CACNA1D: variants seen among roughly 807,000 people sequenced by gnomAD.
CACNA1D encodes the protein calcium voltage-gated channel subunit alpha1 D, also known as voltage-dependent L-type calcium channel subunit alpha-1D.
A neutral mutation model predicts 257.1 loss-of-function variants in CACNA1D; 55 were observed. The observed-to-expected ratio is 0.21, with a 90% CI of 0.17 to 0.27. CACNA1D has a LOEUF of 0.27. CACNA1D is among the 10% of genes least tolerant of loss of function. CACNA1D has a pLI of 1.00. For missense variants in CACNA1D, 1,876 were observed against 2,784.0 expected (o/e 0.67, Z 7.34); for synonymous variants, 980 against 1,014.9 (o/e 0.97, Z 0.65).
intron 12 of CACNA1D, among the ~76,000 whole-genome samples, chr3:53,722,964 C>G (rs1425952603): frequency 6.6e-6 from 1 of 152,138 alleles, no homozygotes; most frequent in African/African-American, 2.4e-5. Context: ...CCTCTCCAGC[C>G]TGCTTGGTGA....
chr3:53,702,521 T>C, intron 8 of CACNA1D, 120 bp from the exon 9 acceptor site: 2 of 910,522 alleles, frequency 2.2e-6, no homozygotes, highest in Non-Finnish European at 3.6e-6. Context: ...GCTGTGCTCA[T>C]GTGACTATAC....
In CACNA1D at chr3:53,722,187, T is replaced by G. The variant is rs144739393; in HGVS notation, c.1506-127T>G. 3.9e-4 allele frequency: 352 copies of G among 896,394 alleles called. 3 individuals are homozygous for G. In the African/African-American group the frequency reaches 5.3e-3, roughly 13 times the overall value. 55.5% of individuals were successfully genotyped at this position (896,394 alleles called of 1,614,324 possible). A position where few individuals can be genotyped will look rare whatever the true frequency, so the allele number is the denominator to read the frequency against. On this transcript the variant is annotated intron_variant, in intron 11 of 47. Coordinates refer to ENST00000350061, the MANE Select transcript of CACNA1D (RefSeq NM_001128840.3). Reference sequence around the variant, plus strand: ...ATTTCTGTGCCATTTGTGCTCATCTTTCTTTCCTGCACTCCCACCCCAATC... The same window carrying G: ...ATTTCTGTGCCATTTGTGCTCATCTGTCTTTCCTGCACTCCCACCCCAATC...
chr3:53,497,399 C>A lies in CACNA1D; in HGVS notation c.315C>A (p.Ala105=). Residue 105 remains alanine, a synonymous_variant, in exon 2 of 48, where the codon GCC becomes GCA. Coordinates refer to ENST00000350061, the MANE Select transcript of CACNA1D (RefSeq NM_001128840.3). ...GNSSNSRPAR[A]LFCLSLNNPI... is the part of the protein sequence containing the mutation. ...CGTCCAACAGCCGACCTGCCCGCGC[C>A]CTTTTCTGTTTATCACTCAATAACC... is the stretch of plus-strand genomic sequence containing the variant. 3.1e-6 allele frequency: 5 copies of A among 1,614,198 alleles called. No homozygotes were observed. The highest frequency in any genetic ancestry group is 4.2e-6 in the Non-Finnish European group (5 of 1,180,036).
chr3:53,516,894 G>A (rs748310848), intron 3 of CACNA1D, among the ~76,000 whole-genome samples: 1 of 152,182 alleles, frequency 6.6e-6, no homozygotes, highest in Non-Finnish European at 1.5e-5. Context: ...TGACAAATGA[G>A]GTCTGTGGTC....
chr3:53,718,601 C>CCCCCCCCCCAA, intron 10 of CACNA1D: 1 of 1,103,188 alleles, frequency 9.1e-7, no homozygotes, highest in Non-Finnish European at 1.3e-6. Flanking sequence ...CCCCCCGGCC[C>CCCCCCCCCCAA]AGCATTTCAC....
intron 7 of CACNA1D, among the ~76,000 whole-genome samples, chr3:53,669,239 GTC>G (rs1036090023): frequency 6.6e-6 from 1 of 152,258 alleles, no homozygotes; most frequent in African/African-American, 2.4e-5. Flanking sequence ...ATGGGCCACA[GTC>G]AGCTGGAAGC....
chr3:53,748,686 T>C (rs1346159137), intron 26 of CACNA1D, among the ~76,000 whole-genome samples: 1 of 152,028 alleles, frequency 6.6e-6, no homozygotes, highest in Non-Finnish European at 1.5e-5. Context: ...CCTTCCCAGA[T>C]GGATGTGAGG....
intron 20 of CACNA1D, among the ~76,000 whole-genome samples, chr3:53,737,767 G>A (rs576764576): frequency 3.0e-4 from 45 of 152,338 alleles, no homozygotes; most frequent in African/African-American, 9.9e-4. Flanking sequence ...AGGTTGCAGT[G>A]AACTGAGATC....
chr3:53,525,204 C>T (rs1268366274), intron 3 of CACNA1D, among the ~76,000 whole-genome samples: 1 of 152,166 alleles, frequency 6.6e-6, no homozygotes, highest in South Asian at 2.1e-4. Context: ...GGCTCTTGCT[C>T]CCTCTACCTA....
intron 7 of CACNA1D, among the ~76,000 whole-genome samples, chr3:53,670,382 T>A (rs2094311036): frequency 6.6e-6 from 1 of 152,236 alleles, no homozygotes. Flanking sequence ...TTTTGCTCTG[T>A]TGCCCAGGCT....
At chr3:53,594,971 G>A (rs2093352951) in intron 3 of CACNA1D, among the ~76,000 whole-genome samples, 1 of 152,194 alleles carries the variant, frequency 6.6e-6, no homozygotes, top group Non-Finnish European at 1.5e-5. Context: ...TATTGATCAG[G>A]CATTAGGCAT....
intron 19 of CACNA1D, among the ~76,000 whole-genome samples, chr3:53,733,371 T>C (rs2095019019): frequency 6.6e-6 from 1 of 152,210 alleles, no homozygotes. Context: ...TTAGGATGCC[T>C]TGTGGGATGA....
rs913298016 is a variant in CACNA1D at position 53,793,328 on chromosome 3, G to A, written c.4923+6376G>A. Among the ~76,000 whole-genome samples, 4 of 152,240 alleles carry A rather than the reference G, an allele frequency of 2.6e-5. No individual in the cohort carries two copies. ...GTGATGTATCGTCCCTGAAAGGGAA[G>A]CCCGTCAGTCCTGTGGGGGTCCGTC... is the stretch of plus-strand genomic sequence containing the variant. On this transcript the variant is annotated intron_variant, in intron 40 of 47. Transcript: ENST00000350061. This position sits in a 1 kb window ranked among gnomAD's most constrained non-coding sequence, Gnocchi z 4.1.
At chr3:53,575,674 G>A (rs776260052) in intron 3 of CACNA1D, among the ~76,000 whole-genome samples, 1 of 152,016 alleles carries the variant, frequency 6.6e-6, no homozygotes, top group African/African-American at 2.4e-5. Flanking sequence ...CCCTTCATGC[G>A]GTTGTTACTT....
intron 9 of CACNA1D, chr3:53,710,479 G>C (rs1388960087): frequency 2.0e-5 from 9 of 456,656 alleles, no homozygotes; most frequent in Non-Finnish European, 3.5e-5. Context: ...AAAGATCATG[G>C]TAAATTGCTG....
At chr3:53,734,269 C>T (rs2095034877) in intron 19 of CACNA1D, among the ~76,000 whole-genome samples, 1 of 151,046 alleles carries the variant, frequency 6.6e-6, no homozygotes, top group Non-Finnish European at 1.5e-5. Flanking sequence ...CAAGGAAAAG[C>T]TATCTATCTA....
intron 28 of CACNA1D, 147 bp downstream of exon 28, chr3:53,752,054 T>C (rs2095230654): frequency 2.5e-6 from 2 of 788,466 alleles, no homozygotes; most frequent in Admixed American, 1.8e-5. Context: ...AGTTCTGTTC[T>C]GGCTGACAGT....
At chr3:53,712,434 G>A (rs963907208) in intron 9 of CACNA1D, among the ~76,000 whole-genome samples, 4 of 152,138 alleles carry the variant, frequency 2.6e-5, no homozygotes, top group Admixed American at 2.6e-4. Context: ...TGGAAACCTT[G>A]GTCTGGCCTT....
rs770972652 is a variant in CACNA1D at position 53,781,601 on chromosome 3, G to A, written c.4726G>A (p.Val1576Met). The change falls in exon 39 of 48, where the codon GTG becomes ATG. Residue 1576 changes from valine (V) to methionine (M), a missense_variant. Val to Met is a conservative substitution (Grantham distance 21). This residue lies in a region of CACNA1D where 160 missense variants were observed against 236.6 expected (regional missense o/e 0.68). Transcript: ENST00000350061. ...GCAAGCTAATGAAGAACTTCGGGCTGTGATAAAGAAAATTTGGAAGAAAAC... is the reference window on the plus strand; with the variant it reads ...GCAAGCTAATGAAGAACTTCGGGCTATGATAAAGAAAATTTGGAAGAAAAC... ...LEQANEELRA[V>M]IKKIWKKTSM... The A allele has an allele frequency of 6.2e-6, 10 of 1,614,090 alleles. No homozygotes were observed. Among genetic ancestry groups the A allele is most frequent in the Non-Finnish European group, 7.6e-6 (9 of 1,179,912 alleles).
Sources: allele counts gnomAD v4.1 joint callset (sites outside exome capture counted in the v4.1 genomes callset), GRCh38; gene constraint gnomAD v4.1.1; regional missense constraint gnomAD v4.1.1; non-coding constraint Gnocchi (gnomAD v3.1); transcripts MANE v1.5; gene names NCBI Gene and HGNC (gene_info 2026-07-23, HGNC 2026-07-21).